The following FRMD4B variants were observed in gnomAD, a reference collection of about 807,000 sequenced individuals.
FRMD4B encodes the protein FERM domain-containing protein 4B.
Under a neutral mutation model 141.5 loss-of-function variants are expected in FRMD4B, and 74 were observed. The observed-to-expected ratio is 0.52, with a 90% CI of 0.43 to 0.63. The LOEUF is 0.63. Ranked by LOEUF, FRMD4B falls within the 30% of genes least tolerant of loss-of-function variation. The probability of loss-of-function intolerance (pLI) is 0.00; values close to 1 mark genes in which losing one functional copy is unlikely to be tolerated. For missense variants in FRMD4B, 1,366 were observed against 1,253.4 expected, an observed-to-expected ratio of 1.09 and a Z score of -1.36; for synonymous variants, 506 against 467.9, an observed-to-expected ratio of 1.08 and a Z score of -1.05.
chr3:69,525,749 C>G (rs140395724), intron 1 of FRMD4B, among the ~76,000 whole-genome samples: 1 of 152,022 alleles, frequency 6.6e-6, no homozygotes, highest in African/African-American at 2.4e-5. Context: ...CCTCCCTGGG[C>G]TCTGGTGATC....
chr3:69,197,418 C>T lies in FRMD4B; in HGVS notation c.954-380G>A, dbSNP rs557174776. ...CAGCAACCAAGTGTGGGGTGAGCAC[C>T]TAATTCAAGGTAAAAGAGCATTTCA... On this transcript the variant is annotated intron_variant, in intron 12 of 22. Coordinates refer to ENST00000398540, the MANE Select transcript of FRMD4B (RefSeq NM_015123.3). 2.0e-5 allele frequency among the ~76,000 whole-genome samples: 3 copies of T among 152,182 alleles called. No individual in the cohort carries two copies. In the South Asian group the frequency reaches 6.2e-4, roughly 32 times the overall value.
At chr3:69,452,531 G>C (rs1359859112) in intron 1 of FRMD4B, among the ~76,000 whole-genome samples, 3 of 152,182 alleles carry the variant, frequency 2.0e-5, no homozygotes, top group Non-Finnish European at 4.4e-5. Context: ...TAAGTTCCCA[G>C]GGAAGCCTGG....
intron 22 of FRMD4B, among the ~76,000 whole-genome samples, chr3:69,173,702 A>G (rs1402463616): frequency 6.6e-6 from 1 of 152,218 alleles, no homozygotes; most frequent in African/African-American, 2.4e-5. Flanking sequence ...CGTGGCTGGA[A>G]AGGCAAAGTT....
chr3:69,324,176 C>T (rs1420307945), intron 1 of FRMD4B, among the ~76,000 whole-genome samples: 1 of 152,204 alleles, frequency 6.6e-6, no homozygotes, highest in African/African-American at 2.4e-5. Flanking sequence ...TGGGATGCTT[C>T]CATGGCTGTG....
chr3:69,173,112 G>A (rs1575576328), intron 22 of FRMD4B, among the ~76,000 whole-genome samples: 1 of 152,106 alleles, frequency 6.6e-6, no homozygotes, highest in African/African-American at 2.4e-5. Context: ...CCATTCTTGG[G>A]GATAGAAGCC....
intron 1 of FRMD4B, among the ~76,000 whole-genome samples, chr3:69,332,153 C>T (rs1318490285): frequency 6.6e-6 from 1 of 152,112 alleles, no homozygotes; most frequent in African/African-American, 2.4e-5. Flanking sequence ...TGAAAGCTCC[C>T]ACAGGCCATG....
At chr3:69,367,351 T>C (rs569809405) in intron 1 of FRMD4B, among the ~76,000 whole-genome samples, 1 of 152,348 alleles carries the variant, frequency 6.6e-6, no homozygotes, top group African/African-American at 2.4e-5. Context: ...AAATTATTTA[T>C]TAATAATTTG....
At chr3:69,238,459 C>T (rs2093361085) in intron 7 of FRMD4B, among the ~76,000 whole-genome samples, 1 of 152,114 alleles carries the variant, frequency 6.6e-6, no homozygotes, top group Non-Finnish European at 1.5e-5. Flanking sequence ...CAATAGAATG[C>T]AATGAAGGCA....
intron 2 of FRMD4B, among the ~76,000 whole-genome samples, chr3:69,430,436 A>G (rs943083895): frequency 1.3e-5 from 2 of 151,348 alleles, no homozygotes; most frequent in African/African-American, 4.9e-5. Flanking sequence ...TTTTTGTAAG[A>G]CTCCCTTCTA....
At chr3:69,496,634 AGAAAGAG>A (rs1559545669) in intron 1 of FRMD4B, among the ~76,000 whole-genome samples, 149 of 110,116 alleles carry the variant, frequency 1.4e-3, no homozygotes, top group African/African-American at 5.3e-3. Flanking sequence ...AGAGAGAGAG[AGAAAGAG>A]AGAGAGAGAG....
intron 7 of FRMD4B, among the ~76,000 whole-genome samples, chr3:69,239,471 C>A (rs555728275): frequency 2.0e-4 from 31 of 152,206 alleles, no homozygotes; most frequent in Admixed American, 1.4e-3. Flanking sequence ...TTTTTCTAAA[C>A]GTCAGCCAGC....
intron 14 of FRMD4B, 85 bp downstream of exon 14, chr3:69,196,170 A>G (rs2092901375): frequency 9.8e-7 from 1 of 1,022,352 alleles, no homozygotes; most frequent in East Asian, 2.7e-5. Context: ...ATAATGGATT[A>G]AAAGATGAAT....
Position 69,374,213 on chromosome 3 carries a change from T to C in FRMD4B, c.162+11615A>G, listed in dbSNP as rs960041728. Among the ~76,000 whole-genome samples the C allele has an allele frequency of 8.5e-5, 13 of 152,298 alleles. No homozygotes were observed. In the Middle Eastern group the frequency reaches 0.01, roughly 120 times the overall value. The stretch of plus-strand genomic sequence containing the variant: ...GTTATCTTTAACCTTTATACCAAAC[T>C]TAAAAGATCTTATTTTATCTTTTTA... On this transcript the variant is annotated intron_variant, in intron 1 of 22. Coordinates refer to ENST00000398540, the MANE Select transcript of FRMD4B (RefSeq NM_015123.3).
At chr3:69,347,474 A>G (rs1702985849) in intron 1 of FRMD4B, among the ~76,000 whole-genome samples, 1 of 152,240 alleles carries the variant, frequency 6.6e-6, no homozygotes, top group Admixed American at 6.5e-5. Flanking sequence ...GCTCTGCACC[A>G]AGTGGACCTA....
chr3:69,529,028 ACAAAC>A (rs1238498780), intron 1 of FRMD4B, among the ~76,000 whole-genome samples: 1 of 152,116 alleles, frequency 6.6e-6, no homozygotes, highest in Non-Finnish European at 1.5e-5. Flanking sequence ...AAGTCCTCAG[ACAAAC>A]CAATGCAGGT....
chr3:69,415,146 G>A (rs1004887280), intron 2 of FRMD4B, among the ~76,000 whole-genome samples: 4 of 152,156 alleles, frequency 2.6e-5, no homozygotes, highest in Admixed American at 1.3e-4. Context: ...TTACAGGCAT[G>A]AGCGACTGTG....
intron 5 of FRMD4B, among the ~76,000 whole-genome samples, chr3:69,267,849 T>A (rs1191216712): frequency 6.6e-6 from 1 of 151,696 alleles, no homozygotes; most frequent in Non-Finnish European, 1.5e-5. Flanking sequence ...GCCAGGCTGG[T>A]CTCACACTCG....
rs1165776982 is a variant in FRMD4B, at chr3:69,170,367, A to G, written c.*1494T>C. 6.6e-6 allele frequency: 1 copy of G among 151,870 alleles called. No homozygotes were observed. Among genetic ancestry groups the G allele is most frequent in the East Asian group, 1.9e-4 (1 of 5,188 alleles). 9.4% of individuals were successfully genotyped at this position (151,870 alleles called of 1,614,324 possible). ...ATGCAAAAAGGTTATTTCTGATTCTAGAAGGCTATACAAATATGCAAAAAA... is the reference window on the plus strand; with the variant it reads ...ATGCAAAAAGGTTATTTCTGATTCTGGAAGGCTATACAAATATGCAAAAAA... On this transcript the variant is annotated 3_prime_UTR_variant, in exon 23 of 23. Transcript: ENST00000398540.
At chr3:69,216,562 C>G (rs1402659649) in intron 10 of FRMD4B, among the ~76,000 whole-genome samples, 1 of 151,778 alleles carries the variant, frequency 6.6e-6, no homozygotes, top group Non-Finnish European at 1.5e-5. Flanking sequence ...TCCCTAGCAG[C>G]TGGGATTACA....
Sources: gnomAD v4.1 joint callset for allele counts (sites outside exome capture counted in the v4.1 genomes callset) on GRCh38, gnomAD v4.1.1 for gene constraint, MANE v1.5 for transcripts, NCBI Gene and HGNC (gene_info 2026-07-23, HGNC 2026-07-21) for gene names.